Variants in LDHB observed in about 807,000 individuals in gnomAD.
LDHB encodes L-lactate dehydrogenase B chain.
A neutral mutation model predicts 33.4 loss-of-function variants in LDHB; 18 were observed. That is an observed-to-expected ratio of 0.54 (90% CI 0.37 to 0.80). LDHB has a LOEUF of 0.80. LDHB is among the 30% of genes least tolerant of loss of function. LDHB has a pLI of 0.00. For missense variants in LDHB, 345 were observed against 407.9 expected (o/e 0.85, Z 1.33); for synonymous variants, 121 against 140.6 (o/e 0.86, Z 0.98).
At chr12:21,646,203 T>C (rs986120171) in intron 3 of LDHB, among the ~76,000 whole-genome samples, 5 of 152,226 alleles carry the variant, frequency 3.3e-5, no homozygotes, top group Admixed American at 2.6e-4. Context: ...GAAATGCAGG[T>C]TATATCTAAA....
Position 21,644,446 on chromosome 12 carries a change from C to CAAAAAAAA in LDHB, c.248-339_248-338insTTTTTTTT, listed in dbSNP as rs374761135. 6.1e-3 allele frequency among the ~76,000 whole-genome samples: 664 copies of CAAAAAAAA among 108,740 alleles called. 11 individuals carry two copies. Among genetic ancestry groups the CAAAAAAAA allele is most frequent in the African/African-American group, 0.019 (547 of 29,064 alleles). The allele number at this position is 108,740 out of a possible 152,430, so 71.3% of individuals were successfully genotyped here. ...CATCAAAAAAAAAAAAAAAAAAAAA[C>CAAAAAAAA]AAAAACAAAAACCAATTTTAAGTTA... is the stretch of plus-strand genomic sequence containing the variant. On this transcript the variant is annotated intron_variant, in intron 3 of 7. Transcript: ENST00000350669.
chr12:21,640,133 T>A (rs908643559), intron 5 of LDHB, among the ~76,000 whole-genome samples: 8 of 112,610 alleles, frequency 7.1e-5, no homozygotes, highest in African/African-American at 2.5e-4. Context: ...ATTATTAGTT[T>A]CAATATTGGA....
chr12:21,655,382 T>C (rs1938812076), intron 1 of LDHB, among the ~76,000 whole-genome samples: 2 of 152,232 alleles, frequency 1.3e-5, no homozygotes, highest in Non-Finnish European at 2.9e-5. Context: ...ATACTTAAGC[T>C]TGGATAAAAA....
At chr12:21,646,612 T>C (rs544198039) in intron 3 of LDHB, among the ~76,000 whole-genome samples, 1 of 152,298 alleles carries the variant, frequency 6.6e-6, no homozygotes, top group Non-Finnish European at 1.5e-5. Context: ...AATAAGTGAA[T>C]ATAAAATATT....
At chr12:21,655,318 TATTAAG>T (rs1938809375) in intron 1 of LDHB, among the ~76,000 whole-genome samples, 1 of 152,236 alleles carries the variant, frequency 6.6e-6, no homozygotes, top group Non-Finnish European at 1.5e-5. Context: ...TTGTTTCCTC[TATTAAG>T]AATGTATATG....
chr12:21,638,308 T>C lies in LDHB; in HGVS notation c.713+45A>G, dbSNP rs370273616. ...GAAAATGTTTATAATTTTATTTAAG[T>C]AGAGTTGAAATTAATCATCTAAAAT... On this transcript the variant is annotated intron_variant, in intron 6 of 7. Coordinates refer to ENST00000350669, the MANE Select transcript of LDHB (RefSeq NM_002300.8). 6.1e-6 allele frequency: 6 copies of C among 979,250 alleles called. No individual in the cohort carries two copies. The African/African-American group carries it at 6.4e-5, about 10-fold the overall frequency. The allele number at this position is 979,250 out of a possible 1,614,324, so 60.7% of individuals were successfully genotyped here. A position where few individuals can be genotyped will look rare whatever the true frequency, so the allele number is the denominator to read the frequency against.
chr12:21,656,638 A>G (rs1407874488), intron 1 of LDHB, among the ~76,000 whole-genome samples: 1 of 152,240 alleles, frequency 6.6e-6, no homozygotes, highest in Non-Finnish European at 1.5e-5. Context: ...AGTACAATTT[A>G]AAGGCTCGAA....
At chr12:21,641,510 T>G (rs895153698) in intron 5 of LDHB, among the ~76,000 whole-genome samples, 4 of 152,184 alleles carry the variant, frequency 2.6e-5, no homozygotes, top group African/African-American at 9.6e-5. Context: ...ATAGTAGATG[T>G]AATGTGTGAG....
chr12:21,639,024 T>C (rs185530047), intron 5 of LDHB, among the ~76,000 whole-genome samples: 7 of 152,022 alleles, frequency 4.6e-5, no homozygotes, highest in Non-Finnish European at 7.4e-5. Context: ...CTAAGTTATA[T>C]GTTTCTTGGA....
intron 4 of LDHB, among the ~76,000 whole-genome samples, chr12:21,642,873 T>C (rs1003402103): frequency 2.0e-5 from 3 of 152,182 alleles, no homozygotes; most frequent in African/African-American, 7.2e-5. Flanking sequence ...TGGATAACTT[T>C]TCCTTGCCAA....
chr12:21,646,752 T>C lies in LDHB; in HGVS notation c.247+147A>G. On this transcript the variant is annotated intron_variant, in intron 3 of 7. Transcript: ENST00000350669. ...AATTTGCTAAACTACATTATAAATA[T>C]CTTATTAACAGTTATTGAAATAACT... 1.1e-5 allele frequency: 7 copies of C among 620,890 alleles called. No homozygotes were observed. The South Asian group carries it at 1.4e-4, about 12-fold the overall frequency. The allele number at this position is 620,890 out of a possible 1,614,324, so 38.5% of individuals were successfully genotyped here. A position where few individuals can be genotyped will look rare whatever the true frequency, so the allele number is the denominator to read the frequency against.
At chr12:21,654,795 A>G (rs1282468187) in intron 1 of LDHB, 118 bp from the exon 2 acceptor site, 16 of 845,616 alleles carry the variant, frequency 1.9e-5, no homozygotes, top group Non-Finnish European at 3.0e-5. Context: ...AATGAGCCTA[A>G]TGATATTCTA....
In LDHB at chr12:21,642,052, A is replaced by G. The variant is rs749583715; in HGVS notation, c.495T>C (p.Asn165=). 3.1e-6 allele frequency: 5 copies of G among 1,613,680 alleles called. No homozygotes were observed. In the East Asian group the frequency reaches 8.9e-5, roughly 29 times the overall value. Residue 165 remains asparagine, a synonymous_variant, in exon 5 of 8, where the codon AAT becomes AAC. Coordinates refer to ENST00000350669, the MANE Select transcript of LDHB (RefSeq NM_002300.8). ...PKHRVIGSGC[N]LDSARFRYLM... ...GGTAGCGAAATCTAGCAGAATCCAGATTACATCCACTTCCAATCACGCGGT... is the reference window on the plus strand; with the variant it reads ...GGTAGCGAAATCTAGCAGAATCCAGGTTACATCCACTTCCAATCACGCGGT...
chr12:21,654,761 A>G (rs182120661), intron 1 of LDHB, 84 bp from the exon 2 acceptor site: 5 of 1,125,434 alleles, frequency 4.4e-6, no homozygotes, highest in East Asian at 4.7e-5. Flanking sequence ...TACTGTTGCA[A>G]TTTCGAACTG....
Position 21,646,762 on chromosome 12 carries a change from A to G in LDHB, c.247+137T>C, listed in dbSNP as rs2059405163. 9 of 672,548 alleles carry G rather than the reference A, an allele frequency of 1.3e-5. No homozygotes were observed. In the South Asian group the frequency reaches 1.5e-4, roughly 12 times the overall value. The allele number at this position is 672,548 out of a possible 1,614,324, so 41.7% of individuals were successfully genotyped here. ...ACTACATTATAAATATCTTATTAACAGTTATTGAAATAACTGTTCCAAAAC... is the reference window on the plus strand; with the variant it reads ...ACTACATTATAAATATCTTATTAACGGTTATTGAAATAACTGTTCCAAAAC... On this transcript the variant is annotated intron_variant, in intron 3 of 7. Coordinates refer to ENST00000350669, the MANE Select transcript of LDHB (RefSeq NM_002300.8).
chr12:21,640,300 A>G (rs1049366353), intron 5 of LDHB, among the ~76,000 whole-genome samples: 18 of 150,572 alleles, frequency 1.2e-4, no homozygotes, highest in Non-Finnish European at 2.1e-4. Context: ...TATTAATTTA[A>G]AATAAAACAT....
rs1938360912 is a variant in LDHB at position 21,641,211 on chromosome 12, C to A, written c.595+741G>T. Among the ~76,000 whole-genome samples the A allele has an allele frequency of 2.0e-5, 3 of 152,124 alleles. No homozygotes were observed. In the South Asian group the frequency reaches 6.2e-4, roughly 31 times the overall value. The stretch of plus-strand genomic sequence containing the variant: ...AAAGCAGTAACTTCACACAGAGTAA[C>A]CTGGCAAAATACAACCTTAACTGAG... On this transcript the variant is annotated intron_variant, in intron 5 of 7. Coordinates refer to ENST00000350669, the MANE Select transcript of LDHB (RefSeq NM_002300.8).
At position 21,638,354 on chromosome 12, in the gene LDHB, T is replaced by C; in HGVS notation, c.712A>G (p.Ser238Gly). ...WKEVHKMVVE[S>G]AYEVIKLKGY... ...AAAATCAAGTTCCCTTTCACTTACC[T>C]TTCAACCACCATCTTATGCACTTCC... Residue 238 changes from serine to glycine, a missense_variant and splice_region_variant, in exon 6 of 8, where the codon AGT (serine) becomes GGT (glycine). By Grantham distance (56) the Ser-to-Gly change is moderately conservative. Transcript: ENST00000350669. The C allele has an allele frequency of 1.3e-6, 2 of 1,540,744 alleles. No individual in the cohort carries two copies. Among genetic ancestry groups the C allele is most frequent in the Non-Finnish European group, 1.8e-6 (2 of 1,113,922 alleles).
In LDHB at chr12:21,642,112, C is replaced by T. The variant is rs112045700; in HGVS notation, c.435G>A (p.Thr145=). Residue 145 remains threonine, a synonymous_variant, in exon 5 of 8, where the codon ACG becomes ACA. Coordinates refer to ENST00000350669, the MANE Select transcript of LDHB (RefSeq NM_002300.8). The stretch of plus-strand genomic sequence containing the variant: ...ATCCACTTAGTTTCCAGGTAACATA[C>T]GTAAGAATGTCCACTAAAAATTTTG... ...IVVSNPVDIL[T]YVTWKLSGLP... is the part of the protein sequence containing the mutation. The T allele has an allele frequency of 3.5e-4, 560 of 1,612,312 alleles. 1 individual carries two copies. In the African/African-American group the frequency reaches 6.1e-3, roughly 18 times the overall value.
Sources: gnomAD v4.1 joint callset for allele counts (sites outside exome capture counted in the v4.1 genomes callset) on GRCh38, gnomAD v4.1.1 for gene constraint, MANE v1.5 for transcripts, NCBI Gene and HGNC (gene_info 2026-07-23, HGNC 2026-07-21) for gene names.